The following AGBL4 variants were observed in gnomAD, a reference collection of about 807,000 sequenced individuals.
AGBL4 encodes cytosolic carboxypeptidase 6.
In AGBL4, 58 loss-of-function variants were observed where a neutral mutation model predicts 66.4. That is an observed-to-expected ratio of 0.87 (90% CI 0.71 to 1.09). The LOEUF (loss-of-function observed/expected upper bound fraction) is 1.09. Ranked by LOEUF, AGBL4 falls within the 50% of genes least tolerant of loss-of-function variation. The pLI is 0.00. For missense variants in AGBL4, 579 were observed against 631.0 expected, an observed-to-expected ratio of 0.92 and a Z score of 0.88; for synonymous variants, 234 against 222.9, an observed-to-expected ratio of 1.05 and a Z score of -0.44.
intron 5 of AGBL4, among the ~76,000 whole-genome samples, chr1:48,945,150 G>C (rs995530092): frequency 6.6e-6 from 1 of 152,206 alleles, no homozygotes; most frequent in African/African-American, 2.4e-5. Flanking sequence ...GCTCACAGAA[G>C]AGTTAAAACC....
At chr1:48,639,742 T>C (rs1384746614) in intron 8 of AGBL4, among the ~76,000 whole-genome samples, 2 of 152,168 alleles carry the variant, frequency 1.3e-5, no homozygotes, top group Non-Finnish European at 2.9e-5. Context: ...AGTCAAGGCA[T>C]GAGAGAGCAT....
At chr1:49,667,237 T>C (rs1011056201) in intron 3 of AGBL4, among the ~76,000 whole-genome samples, 4 of 152,040 alleles carry the variant, frequency 2.6e-5, no homozygotes, top group African/African-American at 9.7e-5. Flanking sequence ...GGCAGGTAGA[T>C]CACTTGAGCC....
At chr1:49,672,860 GC>G (rs1317338385) in intron 3 of AGBL4, among the ~76,000 whole-genome samples, 14 of 148,060 alleles carry the variant, frequency 9.5e-5, no homozygotes, top group Non-Finnish European at 1.8e-4. Context: ...GGTGGAGGTT[GC>G]AGTGAGCTGA....
chr1:49,452,962 T>G (rs1223759131), intron 3 of AGBL4, among the ~76,000 whole-genome samples: 1 of 151,894 alleles, frequency 6.6e-6, no homozygotes, highest in Non-Finnish European at 1.5e-5. Context: ...ACTAATATAG[T>G]CAGGCACATA....
intron 3 of AGBL4, among the ~76,000 whole-genome samples, chr1:49,368,614 T>C (rs928383454): frequency 4.6e-5 from 7 of 152,182 alleles, no homozygotes; most frequent in South Asian, 2.1e-4. Context: ...GCACTGTGGC[T>C]TCTCTGACAG....
At chr1:49,721,333 C>T (rs1648591716) in intron 2 of AGBL4, among the ~76,000 whole-genome samples, 1 of 152,156 alleles carries the variant, frequency 6.6e-6, no homozygotes, top group Non-Finnish European at 1.5e-5. Flanking sequence ...CTTGCTGCTG[C>T]TCACTCTTTG....
chr1:48,668,232 A>G (rs1646220421), intron 6 of AGBL4, among the ~76,000 whole-genome samples: 2 of 152,184 alleles, frequency 1.3e-5, no homozygotes, highest in African/African-American at 4.8e-5. Context: ...GTTGGCTGGT[A>G]TTAATCAGAG....
chr1:48,614,198 T>C (rs962346050), intron 9 of AGBL4, among the ~76,000 whole-genome samples: 3 of 152,170 alleles, frequency 2.0e-5, no homozygotes, highest in Non-Finnish European at 2.9e-5. Context: ...TGGCATCAAC[T>C]AAAATACACA....
intron 6 of AGBL4, among the ~76,000 whole-genome samples, chr1:48,846,892 C>T (rs1448101314): frequency 2.0e-5 from 3 of 152,066 alleles, no homozygotes; most frequent in Non-Finnish European, 4.4e-5. Flanking sequence ...TAAAGTATTA[C>T]CCAACCTTAA....
At chr1:48,968,570 A>T (rs1658639248) in intron 5 of AGBL4, among the ~76,000 whole-genome samples, 1 of 152,080 alleles carries the variant, frequency 6.6e-6, no homozygotes, top group South Asian at 2.1e-4. Flanking sequence ...TCACTACTTA[A>T]CTGTCTCTCT....
intron 6 of AGBL4, chr1:48,742,496 G>T: frequency 1.0e-6 from 1 of 958,560 alleles, no homozygotes; most frequent in Non-Finnish European, 1.4e-6. Flanking sequence ...TCCAGAAACA[G>T]TCATTCAGGG....
intron 3 of AGBL4, among the ~76,000 whole-genome samples, chr1:49,359,804 C>T (rs1257842832): frequency 1.3e-5 from 2 of 152,026 alleles, no homozygotes; most frequent in Non-Finnish European, 2.9e-5. Context: ...GACTTCCGTG[C>T]CCTCATTTTA....
At chr1:48,606,070 T>A (rs1645149895) in intron 9 of AGBL4, among the ~76,000 whole-genome samples, 1 of 152,210 alleles carries the variant, frequency 6.6e-6, no homozygotes. Flanking sequence ...AACACTTTAA[T>A]CATGGAGATA....
At position 48,788,881 on chromosome 1, in the gene AGBL4, C is replaced by T. The variant is rs181464063; in HGVS notation, c.634+78310G>A. On this transcript the variant is annotated intron_variant, in intron 6 of 13. Transcript: ENST00000371839. ...CAGACAGTTTCCCCCATTTGTGAAA[C>T]GGGAAAATGAAACGCATATTTTAGG... Among the ~76,000 whole-genome samples, 383 of 152,008 alleles carry T rather than the reference C, an allele frequency of 2.5e-3. 3 individuals are homozygous for T. Among genetic ancestry groups the T allele is most frequent in the African/African-American group, 8.8e-3 (364 of 41,462 alleles).
At position 49,504,246 on chromosome 1, in the gene AGBL4, T is replaced by C. The variant is rs917823658; in HGVS notation, c.282+193067A>G. 7.2e-5 allele frequency among the ~76,000 whole-genome samples: 11 copies of C among 152,180 alleles called. No individual in the cohort carries two copies. The South Asian group carries it at 1.4e-3, about 20-fold the overall frequency. Reference sequence around the variant, plus strand: ...CCTTCTTCTTCGCCTTCTGCCATGATTGTAAGTTTTCTGAGGCCTCCCCAG... The same window carrying C: ...CCTTCTTCTTCGCCTTCTGCCATGACTGTAAGTTTTCTGAGGCCTCCCCAG... On this transcript the variant is annotated intron_variant, in intron 3 of 13. Coordinates refer to ENST00000371839, the MANE Select transcript of AGBL4 (RefSeq NM_032785.4).
intron 2 of AGBL4, among the ~76,000 whole-genome samples, chr1:49,702,868 T>TA (rs199826614): frequency 1.3e-5 from 2 of 151,762 alleles, no homozygotes; most frequent in Non-Finnish European, 1.5e-5. Context: ...AATAGATGCA[T>TA]AAAAAAAATC....
intron 4 of AGBL4, among the ~76,000 whole-genome samples, chr1:49,213,420 C>T (rs1265054715): frequency 1.3e-5 from 2 of 151,960 alleles, no homozygotes; most frequent in African/African-American, 4.8e-5. Flanking sequence ...GCGGCAGATC[C>T]CTCATGGCTT....
chr1:48,800,010 C>T (rs1645773836), intron 6 of AGBL4, among the ~76,000 whole-genome samples: 1 of 152,128 alleles, frequency 6.6e-6, no homozygotes, highest in Non-Finnish European at 1.5e-5. Flanking sequence ...ATACTGGCTT[C>T]ATAGAATGAT....
At chr1:49,363,335 C>T (rs913659401) in intron 3 of AGBL4, among the ~76,000 whole-genome samples, 9 of 152,240 alleles carry the variant, frequency 5.9e-5, no homozygotes, top group South Asian at 2.1e-4. Flanking sequence ...AAAGTACACA[C>T]GGTTGGCTGG....
Sources: allele counts gnomAD v4.1 joint callset (sites outside exome capture counted in the v4.1 genomes callset), GRCh38; gene constraint gnomAD v4.1.1; transcripts MANE v1.5; gene names NCBI Gene and HGNC (gene_info 2026-07-23, HGNC 2026-07-21).